CFAP54: variants seen among roughly 807,000 people sequenced by gnomAD.
CFAP54 encodes the protein cilia and flagella associated protein 54, also known as cilia- and flagella-associated protein 54.
Under a neutral mutation model 370.4 loss-of-function variants are expected in CFAP54, and 290 were observed. The ratio of observed to expected loss-of-function variants is 0.78; its 90% CI spans 0.71 to 0.86. CFAP54 has a LOEUF of 0.86. CFAP54 is among the 40% of genes least tolerant of loss of function. The pLI is 0.00. For missense variants in CFAP54, 3,399 were observed against 3,528.7 expected, an observed-to-expected ratio of 0.96 and a Z score of 0.93; for synonymous variants, 1,206 against 1,236.5, an observed-to-expected ratio of 0.98 and a Z score of 0.52.
intron 33 of CFAP54, among the ~76,000 whole-genome samples, chr12:96,644,829 C>T (rs114797360): frequency 0.01 from 1,553 of 152,250 alleles, 32 homozygotes; most frequent in African/African-American, 0.035. Context: ...GCCCTTGACA[C>T]GTGGGGATTA....
chr12:96,771,359 A>AT (rs1958458029), intron 60 of CFAP54, among the ~76,000 whole-genome samples: 1 of 152,196 alleles, frequency 6.6e-6, no homozygotes, highest in Non-Finnish European at 1.5e-5. Context: ...CCCACATTAA[A>AT]ACCCACTTTA....
chr12:96,843,980 T>G (rs1256392565), intron 66 of CFAP54, among the ~76,000 whole-genome samples: 1 of 152,230 alleles, frequency 6.6e-6, no homozygotes, highest in Non-Finnish European at 1.5e-5. Context: ...TTTGGCACAA[T>G]AGGCATTTGC....
chr12:96,692,077 T>A (rs1957394409), intron 44 of CFAP54, among the ~76,000 whole-genome samples: 1 of 152,096 alleles, frequency 6.6e-6, no homozygotes, highest in Non-Finnish European at 1.5e-5. Flanking sequence ...TTCTTACTTT[T>A]TTCCCCCACA....
At chr12:96,553,256 A>G (rs1955714867) in intron 15 of CFAP54, among the ~76,000 whole-genome samples, 1 of 152,310 alleles carries the variant, frequency 6.6e-6, no homozygotes, top group Non-Finnish European at 1.5e-5. Flanking sequence ...TACATATACC[A>G]GCAGGAATAA....
intron 26 of CFAP54, among the ~76,000 whole-genome samples, chr12:96,614,327 G>A (rs1093227): frequency 0.67 from 102,548 of 152,032 alleles, 34,751 homozygotes; most frequent in East Asian, 0.71. Flanking sequence ...TTCATGCTAA[G>A]AACTCTCAAT....
intron 40 of CFAP54, among the ~76,000 whole-genome samples, chr12:96,680,769 T>C (rs1362767175): frequency 1.3e-5 from 2 of 152,128 alleles, no homozygotes; most frequent in African/African-American, 2.4e-5. Flanking sequence ...TGGCTTCTTT[T>C]AATTGCTCCA....
intron 33 of CFAP54, chr12:96,647,115 A>G (rs1325342325): frequency 6.6e-6 from 1 of 152,136 alleles, no homozygotes; most frequent in African/African-American, 2.4e-5. Flanking sequence ...TAAAAAAAGA[A>G]TAATGAATAT....
chr12:96,728,364 C>G (rs1565956362), intron 50 of CFAP54, among the ~76,000 whole-genome samples: 1 of 152,160 alleles, frequency 6.6e-6, no homozygotes, highest in African/African-American at 2.4e-5. Flanking sequence ...TTCTTGGAGG[C>G]TTTGTTTGTT....
rs1459483746 is a variant in CFAP54 at position 96,861,272 on chromosome 12, T to C, written c.*14+320T>C. Among the ~76,000 whole-genome samples the C allele has an allele frequency of 3.9e-5, 6 of 152,188 alleles. No individual in the cohort carries two copies. In the East Asian group the frequency reaches 9.6e-4, roughly 24 times the overall value. On this transcript the variant is annotated intron_variant, in intron 67 of 67. Transcript: ENST00000524981. Reference sequence around the variant, plus strand: ...ATTGGATTAAACCAGTGGTTCTCAATTGGGAGTGATTTTGTCCATTAGGTG... The same window carrying C: ...ATTGGATTAAACCAGTGGTTCTCAACTGGGAGTGATTTTGTCCATTAGGTG...
intron 36 of CFAP54, among the ~76,000 whole-genome samples, chr12:96,656,042 T>C (rs1023093877): frequency 6.6e-5 from 10 of 152,134 alleles, no homozygotes; most frequent in Non-Finnish European, 1.5e-4. Flanking sequence ...TTATTGCAGC[T>C]GGTGGTGGGT....
intron 17 of CFAP54, among the ~76,000 whole-genome samples, chr12:96,558,904 G>A (rs1236895469): frequency 4.6e-5 from 7 of 152,080 alleles, no homozygotes; most frequent in Admixed American, 4.6e-4. Context: ...AAAAGCTTCT[G>A]CCCAGCAAAG....
At position 96,691,149 on chromosome 12, in the gene CFAP54, C is replaced by T. The variant is rs1277930990; in HGVS notation, c.6103C>T (p.Pro2035Ser). 18 of 1,613,290 alleles carry T rather than the reference C, an allele frequency of 1.1e-5. 1 individual carries two copies. The highest frequency in any genetic ancestry group is 1.6e-4 in the Middle Eastern group (1 of 6,078). Reference sequence around the variant, plus strand: ...TCAGGGTTTGCTTAGAACAACACTTCCACATCCCAAAGCTGAACGTTGCTA... The same window carrying T: ...TCAGGGTTTGCTTAGAACAACACTTTCACATCCCAAAGCTGAACGTTGCTA... ...LFQGLLRTTL[P>S]HPKAERCYAQ... Residue 2035 changes from proline (P) to serine (S), a missense_variant, in exon 44 of 68, where the codon CCA becomes TCA. Physicochemically the swap from Pro to Ser is moderately conservative, Grantham distance 74. Coordinates refer to ENST00000524981, the MANE Select transcript of CFAP54 (RefSeq NM_001306084.2).
intron 64 of CFAP54, among the ~76,000 whole-genome samples, chr12:96,814,087 C>T (rs185074368): frequency 6.6e-6 from 1 of 152,300 alleles, no homozygotes; most frequent in African/African-American, 2.4e-5. Flanking sequence ...GCCATTTACT[C>T]TGCCAGCACA....
At chr12:96,789,003 T>C (rs2136698536) in intron 62 of CFAP54, among the ~76,000 whole-genome samples, 1 of 152,326 alleles carries the variant, frequency 6.6e-6, no homozygotes, top group Non-Finnish European at 1.5e-5. Flanking sequence ...AAAATGCTCA[T>C]CTTTATGAGT....
Position 96,688,900 on chromosome 12 carries a change from TCTTATA to T in CFAP54, c.6015-11_6015-6del. The T allele has an allele frequency of 1.3e-6, 2 of 1,507,376 alleles. No individual in the cohort carries two copies. Among genetic ancestry groups the T allele is most frequent in the Non-Finnish European group, 1.8e-6 (2 of 1,109,274 alleles). The allele number at this position is 1,507,376 out of a possible 1,614,324, so 93.4% of individuals were successfully genotyped here. A position where few individuals can be genotyped will look rare whatever the true frequency, so the allele number is the denominator to read the frequency against. ...AAATTTCTACTAATCAATTTTTTTT[TCTTATA>T]CTTACTTAGATTTATTAAGTCATTG... On this transcript the variant is annotated splice_polypyrimidine_tract_variant and intron_variant, in intron 42 of 67. Coordinates refer to ENST00000524981, the MANE Select transcript of CFAP54 (RefSeq NM_001306084.2).
At chr12:96,741,013 T>C (rs1040006662) in intron 51 of CFAP54, among the ~76,000 whole-genome samples, 1 of 152,190 alleles carries the variant, frequency 6.6e-6, no homozygotes, top group Non-Finnish European at 1.5e-5. Flanking sequence ...TATCTTTTCA[T>C]TAGTGACAGG....
At chr12:96,851,108 T>C (rs149934804) in intron 66 of CFAP54, among the ~76,000 whole-genome samples, 2 of 152,328 alleles carry the variant, frequency 1.3e-5, no homozygotes, top group East Asian at 3.9e-4. Flanking sequence ...ATGTAAATTT[T>C]ATTTTTTTTT....
chr12:96,751,433 T>C (rs1275770196), intron 55 of CFAP54, among the ~76,000 whole-genome samples: 1 of 152,162 alleles, frequency 6.6e-6, no homozygotes, highest in Non-Finnish European at 1.5e-5. Flanking sequence ...GCCATTATCA[T>C]ATTGTATATC....
chr12:96,769,997 A>G (rs559083845), intron 60 of CFAP54, among the ~76,000 whole-genome samples: 5 of 152,314 alleles, frequency 3.3e-5, no homozygotes, highest in Non-Finnish European at 5.9e-5. Flanking sequence ...GTGCAGAGAT[A>G]CAGGGTCGAT....
Sources: gnomAD v4.1 joint callset for allele counts (sites outside exome capture counted in the v4.1 genomes callset) on GRCh38, gnomAD v4.1.1 for gene constraint, MANE v1.5 for transcripts, NCBI Gene and HGNC (gene_info 2026-07-23, HGNC 2026-07-21) for gene names.